STXBP5L: variants seen among roughly 807,000 people sequenced by gnomAD.
STXBP5L encodes syntaxin-binding protein 5-like.
STXBP5L carries 65 observed loss-of-function variants against 144.5 expected under a neutral mutation model. The observed-to-expected ratio is 0.45, with a 90% CI of 0.37 to 0.55. STXBP5L has a LOEUF of 0.55. Ranked by LOEUF, STXBP5L falls within the 20% of genes least tolerant of loss-of-function variation. The pLI is 0.00. For synonymous variants in STXBP5L, 505 were observed against 469.6 expected, an observed-to-expected ratio of 1.08 and a Z score of -0.97; for missense variants, 1,298 against 1,405.5, an observed-to-expected ratio of 0.92 and a Z score of 1.22.
At chr3:121,035,913 C>T (rs1946716847) in intron 3 of STXBP5L, among the ~76,000 whole-genome samples, 1 of 152,094 alleles carries the variant, frequency 6.6e-6, no homozygotes, top group South Asian at 2.1e-4. Flanking sequence ...TATTTTATAG[C>T]TTTCAGTGAA....
At chr3:121,369,377 A>G (rs549097757) in intron 20 of STXBP5L, among the ~76,000 whole-genome samples, 38 of 150,104 alleles carry the variant, frequency 2.5e-4, no homozygotes, top group African/African-American at 9.3e-4. Flanking sequence ...CCTTTGTTGA[A>G]CATCTCTTTT....
chr3:120,930,372 T>C (rs1459172292), intron 2 of STXBP5L, among the ~76,000 whole-genome samples: 1 of 151,952 alleles, frequency 6.6e-6, no homozygotes, highest in Non-Finnish European at 1.5e-5. Flanking sequence ...TTTCCTTATA[T>C]TGATGTGTTT....
chr3:121,415,156 C>T (rs2047203526), intron 24 of STXBP5L, among the ~76,000 whole-genome samples: 1 of 152,094 alleles, frequency 6.6e-6, no homozygotes, highest in African/African-American at 2.4e-5. Flanking sequence ...GTTCCTTTCT[C>T]CACACTGATG....
chr3:120,973,469 T>C (rs1940521605), intron 3 of STXBP5L, among the ~76,000 whole-genome samples: 1 of 152,110 alleles, frequency 6.6e-6, no homozygotes, highest in African/African-American at 2.4e-5. Flanking sequence ...TCTTTTTTAT[T>C]CTTGGTTAAT....
At chr3:121,284,829 G>C (rs1009031092) in intron 19 of STXBP5L, among the ~76,000 whole-genome samples, 5 of 152,090 alleles carry the variant, frequency 3.3e-5, no homozygotes, top group African/African-American at 4.8e-5. Flanking sequence ...GTCTCTACCA[G>C]TGGGCCCCAC....
intron 22 of STXBP5L, among the ~76,000 whole-genome samples, chr3:121,398,729 T>A (rs555970880): frequency 6.6e-6 from 1 of 152,324 alleles, no homozygotes; most frequent in Admixed American, 6.5e-5. Context: ...AAAGTAGCTT[T>A]ATGCAGATTA....
rs200033968 is a variant in STXBP5L at position 121,144,974 on chromosome 3, G to T, written c.670-7503G>T. On this transcript the variant is annotated intron_variant, in intron 7 of 26. Transcript: ENST00000471454. ...AAATAGTCATATATATAGAATCAAA[G>T]AGTGTAATGGTGGCTGATGGGCTGG... 4.0e-5 allele frequency among the ~76,000 whole-genome samples: 6 copies of T among 151,876 alleles called. No homozygotes were observed. The East Asian group carries it at 1.2e-3, about 29-fold the overall frequency.
At chr3:121,219,305 C>T (rs1320870895) in intron 10 of STXBP5L, among the ~76,000 whole-genome samples, 1 of 152,116 alleles carries the variant, frequency 6.6e-6, no homozygotes, top group African/African-American at 2.4e-5. Context: ...CCAACTATTA[C>T]ACGGCAGAAA....
intron 20 of STXBP5L, chr3:121,324,511 C>G: frequency 1.4e-6 from 1 of 698,562 alleles, no homozygotes; most frequent in Non-Finnish European, 2.6e-6. Context: ...ACCAGAACCC[C>G]TGAGTCAGCA....
At chr3:121,069,812 A>G (rs1036692731) in intron 5 of STXBP5L, among the ~76,000 whole-genome samples, 9 of 152,046 alleles carry the variant, frequency 5.9e-5, no homozygotes, top group Non-Finnish European at 1.2e-4. Context: ...TTCTTCTACT[A>G]TGGATGTCCA....
At chr3:121,032,083 T>A (rs1946410334) in intron 3 of STXBP5L, among the ~76,000 whole-genome samples, 1 of 152,052 alleles carries the variant, frequency 6.6e-6, no homozygotes, top group Non-Finnish European at 1.5e-5. Context: ...AATTCTGAGC[T>A]GCAGATAAAG....
At chr3:121,202,872 T>C (rs1201323657) in intron 9 of STXBP5L, among the ~76,000 whole-genome samples, 1 of 152,050 alleles carries the variant, frequency 6.6e-6, no homozygotes, top group African/African-American at 2.4e-5. Context: ...GAGATTTCTT[T>C]ATCCTACTTG....
intron 19 of STXBP5L, among the ~76,000 whole-genome samples, chr3:121,286,941 C>G (rs1014886057): frequency 1.3e-5 from 2 of 152,170 alleles, no homozygotes; most frequent in Non-Finnish European, 2.9e-5. Flanking sequence ...GAGGAAACCA[C>G]TGAGCTTTTT....
At chr3:121,212,920 G>T (rs964948424) in intron 10 of STXBP5L, among the ~76,000 whole-genome samples, 4 of 152,102 alleles carry the variant, frequency 2.6e-5, no homozygotes, top group Admixed American at 6.6e-5. Context: ...TCCTTGAAGA[G>T]GTCCTTCATG....
At chr3:121,358,180 ATTG>A (rs1420642973) in intron 20 of STXBP5L, among the ~76,000 whole-genome samples, 1 of 152,016 alleles carries the variant, frequency 6.6e-6, no homozygotes, top group Non-Finnish European at 1.5e-5. Context: ...TAGTCACCCT[ATTG>A]TTCTGTCAAA....
At chr3:120,982,751 G>T (rs1576567583) in intron 3 of STXBP5L, among the ~76,000 whole-genome samples, 1 of 152,308 alleles carries the variant, frequency 6.6e-6, no homozygotes, top group South Asian at 2.1e-4. Flanking sequence ...TTGTCAGCTG[G>T]TTGGGTTGGC....
At chr3:121,364,968 T>C (rs1316606913) in intron 20 of STXBP5L, among the ~76,000 whole-genome samples, 1 of 151,912 alleles carries the variant, frequency 6.6e-6, no homozygotes, top group Non-Finnish European at 1.5e-5. Context: ...TCAATTGAGA[T>C]GATCAGGTGG....
chr3:120,945,462 C>A (rs146650825), intron 2 of STXBP5L, among the ~76,000 whole-genome samples: 67 of 151,610 alleles, frequency 4.4e-4, no homozygotes, highest in African/African-American at 1.6e-3. Context: ...TCTAGGAGTT[C>A]TGTGTTCAAA....
chr3:121,206,855 T>C (rs1236799767), intron 10 of STXBP5L, among the ~76,000 whole-genome samples: 1 of 152,018 alleles, frequency 6.6e-6, no homozygotes, highest in African/African-American at 2.4e-5. Context: ...ATCAACAAGT[T>C]CCTTTTACTT....
Sources: gnomAD v4.1 joint callset for allele counts (sites outside exome capture counted in the v4.1 genomes callset) on GRCh38, gnomAD v4.1.1 for gene constraint, MANE v1.5 for transcripts, NCBI Gene and HGNC (gene_info 2026-07-23, HGNC 2026-07-21) for gene names.